Variants in PPP3CA observed in about 807,000 individuals in gnomAD.
The protein encoded by PPP3CA is CAM-PRP catalytic subunit.
In PPP3CA, 14 loss-of-function variants were observed where a neutral mutation model predicts 66.5. The ratio of observed to expected loss-of-function variants is 0.21; its 90% CI spans 0.14 to 0.33. The LOEUF (loss-of-function observed/expected upper bound fraction) is 0.33. Ranked by LOEUF, PPP3CA falls within the 10% of genes least tolerant of loss-of-function variation. The pLI, the probability that PPP3CA is intolerant of heterozygous loss-of-function variation, is 1.00. For missense variants in PPP3CA, 317 were observed against 639.5 expected (o/e 0.50, Z 5.44); for synonymous variants, 232 against 226.2 (o/e 1.03, Z -0.23).
intron 6 of PPP3CA, among the ~76,000 whole-genome samples, chr4:101,091,898 GAAGA>G (rs1729966839): frequency 8.2e-6 from 1 of 122,696 alleles, no homozygotes; most frequent in South Asian, 2.4e-4. Context: ...GGAAGGAGGA[GAAGA>G]GGAGGAGTAA....
intron 8 of PPP3CA, among the ~76,000 whole-genome samples, chr4:101,065,204 T>C (rs538367318): frequency 2.6e-5 from 4 of 152,058 alleles, no homozygotes; most frequent in South Asian, 2.1e-4. Context: ...ATCATATCAA[T>C]ACTTTTGATC....
chr4:101,133,798 A>T (rs746696224), intron 2 of PPP3CA, among the ~76,000 whole-genome samples: 61 of 152,332 alleles, frequency 4.0e-4, no homozygotes, highest in Middle Eastern at 3.4e-3. Context: ...GACAATCCTA[A>T]GCAAAAAGAA....
chr4:101,285,573 C>T (rs977995903), intron 1 of PPP3CA, among the ~76,000 whole-genome samples: 4 of 150,488 alleles, frequency 2.7e-5, no homozygotes, highest in Non-Finnish European at 5.9e-5. Flanking sequence ...ATTCCTTTCC[C>T]TTCCCTTTCA....
chr4:101,206,133 C>A (rs1190508165), intron 1 of PPP3CA, among the ~76,000 whole-genome samples: 2 of 152,218 alleles, frequency 1.3e-5, no homozygotes, highest in Non-Finnish European at 2.9e-5. Context: ...TTCTCATCCA[C>A]AGTCTGCGGT....
intron 7 of PPP3CA, among the ~76,000 whole-genome samples, chr4:101,081,221 C>G (rs1010311538): frequency 4.0e-5 from 6 of 151,858 alleles, no homozygotes; most frequent in African/African-American, 1.5e-4. Context: ...AGCATTTTTG[C>G]CTAGACTAAG....
chr4:101,054,695 T>C (rs532836732), intron 10 of PPP3CA, among the ~76,000 whole-genome samples: 7 of 152,050 alleles, frequency 4.6e-5, no homozygotes, highest in South Asian at 2.1e-4. Flanking sequence ...TGGTATTAGA[T>C]ACGAAGAATT....
chr4:101,148,216 T>A (rs1461678089), intron 2 of PPP3CA, among the ~76,000 whole-genome samples: 1 of 152,112 alleles, frequency 6.6e-6, no homozygotes, highest in Non-Finnish European at 1.5e-5. Flanking sequence ...GAGCTAGATA[T>A]AAAGTAAAGC....
rs116678285 is a variant in PPP3CA at position 101,344,669 on chromosome 4, G to C, written c.58+2070C>G. 1.5e-3 allele frequency among the ~76,000 whole-genome samples: 230 copies of C among 152,224 alleles called. 1 individual carries two copies. The highest frequency in any genetic ancestry group is 5.2e-3 in the African/African-American group (218 of 41,538). On this transcript the variant is annotated intron_variant, in intron 1 of 13. Transcript: ENST00000394854. ...AAAAAAAGCAAGGCAAAGTAGCCTT[G>C]GAATGGTTGAGTGGGCTCTTCCATT...
chr4:101,338,139 A>T (rs1729695078), intron 1 of PPP3CA, among the ~76,000 whole-genome samples: 1 of 152,210 alleles, frequency 6.6e-6, no homozygotes, highest in Non-Finnish European at 1.5e-5. Flanking sequence ...GAAAGAAACC[A>T]TCACTCACCT....
At chr4:101,185,843 A>C (rs1386311562) in intron 2 of PPP3CA, among the ~76,000 whole-genome samples, 15 of 152,194 alleles carry the variant, frequency 9.9e-5, no homozygotes, top group Non-Finnish European at 1.5e-5. Flanking sequence ...GGACAGCCTA[A>C]GTCTATGACC....
chr4:101,238,127 G>A (rs1726184271), intron 1 of PPP3CA, among the ~76,000 whole-genome samples: 2 of 151,936 alleles, frequency 1.3e-5, no homozygotes, highest in African/African-American at 4.8e-5. Context: ...AGTGTGATAT[G>A]GCCACCAGAT....
chr4:101,294,282 G>A (rs1728123575), intron 1 of PPP3CA, among the ~76,000 whole-genome samples: 1 of 152,150 alleles, frequency 6.6e-6, no homozygotes, highest in African/African-American at 2.4e-5. Flanking sequence ...ACTAACGTGG[G>A]ACTCCAAGCA....
intron 1 of PPP3CA, among the ~76,000 whole-genome samples, chr4:101,267,683 T>TA (rs917152705): frequency 7.2e-5 from 11 of 151,976 alleles, no homozygotes; most frequent in Non-Finnish European, 1.3e-4. Context: ...AATATTAACA[T>TA]ACGCTATCTC....
At chr4:101,060,420 A>C (rs1237819183) in intron 10 of PPP3CA, among the ~76,000 whole-genome samples, 2 of 152,102 alleles carry the variant, frequency 1.3e-5, no homozygotes, top group Non-Finnish European at 2.9e-5. Context: ...TTCTCTAAGT[A>C]CATTTTTGTC....
intron 8 of PPP3CA, among the ~76,000 whole-genome samples, chr4:101,077,684 C>T (rs531167052): frequency 3.9e-5 from 6 of 152,130 alleles, no homozygotes; most frequent in Non-Finnish European, 7.4e-5. Context: ...TTTTTCTCTC[C>T]GGAGAATATT....
chr4:101,058,451 T>G (rs1014183540), intron 10 of PPP3CA, among the ~76,000 whole-genome samples: 2 of 152,272 alleles, frequency 1.3e-5, no homozygotes, highest in South Asian at 2.1e-4. Context: ...TAGGCATTCC[T>G]GACCATCTTC....
At chr4:101,204,114 T>A (rs1313448929) in intron 1 of PPP3CA, among the ~76,000 whole-genome samples, 1 of 151,928 alleles carries the variant, frequency 6.6e-6, no homozygotes, top group African/African-American at 2.4e-5. Context: ...CAACCAATCC[T>A]CCCACCTCAG....
intron 2 of PPP3CA, among the ~76,000 whole-genome samples, chr4:101,192,031 C>G (rs1027332331): frequency 3.3e-5 from 5 of 152,112 alleles, no homozygotes; most frequent in African/African-American, 7.2e-5. Flanking sequence ...CCTAAGCTCC[C>G]GGTCTGCTTT....
At chr4:101,311,632 T>C (rs1163659226) in intron 1 of PPP3CA, among the ~76,000 whole-genome samples, 1 of 152,060 alleles carries the variant, frequency 6.6e-6, no homozygotes, top group African/African-American at 2.4e-5. Context: ...GTAAAATAAT[T>C]AGCCAGGCAT....
Sources: allele counts gnomAD v4.1 joint callset (sites outside exome capture counted in the v4.1 genomes callset), GRCh38; gene constraint gnomAD v4.1.1; transcripts MANE v1.5; gene names NCBI Gene and HGNC (gene_info 2026-07-23, HGNC 2026-07-21).